R3HDM2: variants seen among roughly 807,000 people sequenced by gnomAD.
R3HDM2 encodes the protein R3H domain-containing protein 2.
R3HDM2 carries 38 observed loss-of-function variants against 124.5 expected under a neutral mutation model. The observed-to-expected ratio is 0.31, with a 90% confidence interval of 0.24 to 0.40. R3HDM2 has a LOEUF of 0.40. Among genes scored for constraint, R3HDM2 ranks in the 10% least tolerant of loss-of-function variants. R3HDM2 has a pLI of 1.00. For missense variants in R3HDM2, 869 were observed against 1,236.9 expected, an observed-to-expected ratio of 0.70 and a Z score of 4.46; for synonymous variants, 391 against 448.0, an observed-to-expected ratio of 0.87 and a Z score of 1.61.
At chr12:57,425,043 T>C (rs2070596450) in intron 1 of R3HDM2, among the ~76,000 whole-genome samples, 2 of 152,224 alleles carry the variant, frequency 1.3e-5, no homozygotes, top group South Asian at 2.1e-4. Flanking sequence ...GAGGCTGAGG[T>C]GGGTGGATCA....
chr12:57,295,515 T>A lies in R3HDM2; in HGVS notation c.702-8A>T. 1 of 1,544,382 alleles carries A rather than the reference T, an allele frequency of 6.5e-7. No homozygotes were observed. Among genetic ancestry groups the A allele is most frequent in the African/African-American group, 1.4e-5 (1 of 73,012 alleles). On this transcript the variant is annotated splice_polypyrimidine_tract_variant and splice_region_variant and intron_variant, in intron 9 of 23. Transcript: ENST00000402412. ...GAGAACCTCTGTTCAGGGCTGAGAT[T>A]TGGAGAGAAATGTGAAAGGAAAGGA...
chr12:57,340,415 A>AT (rs2059414615), intron 2 of R3HDM2, among the ~76,000 whole-genome samples: 2 of 152,304 alleles, frequency 1.3e-5, no homozygotes, highest in African/African-American at 4.8e-5. Context: ...CTTAACCCTT[A>AT]TAGCTCCTGT....
chr12:57,304,463 G>A (rs2052099049), intron 3 of R3HDM2: 3 of 964,518 alleles, frequency 3.1e-6, no homozygotes, highest in Non-Finnish European at 1.2e-6. Flanking sequence ...ACAAGTCAGA[G>A]ACAGAGTACC....
At chr12:57,265,836 G>A (rs151337033) in intron 19 of R3HDM2, among the ~76,000 whole-genome samples, 13,841 of 149,596 alleles carry the variant, frequency 0.093, 875 homozygotes, top group Middle Eastern at 0.14. Context: ...TCGCTTTGTC[G>A]CCCAGGCTGG....
chr12:57,397,851 A>C (rs1384588662), intron 1 of R3HDM2, among the ~76,000 whole-genome samples: 1 of 152,136 alleles, frequency 6.6e-6, no homozygotes, highest in East Asian at 1.9e-4. Flanking sequence ...CATAATTTTG[A>C]CTTTCTTGCC....
At chr12:57,280,945 C>A in intron 13 of R3HDM2, among the ~76,000 whole-genome samples, 1 of 138,676 alleles carries the variant, frequency 7.2e-6, no homozygotes, top group Non-Finnish European at 1.6e-5. Flanking sequence ...AGAGAGAGAT[C>A]TGTCTTCTCT....
chr12:57,270,885 G>GT (rs1233117361), intron 14 of R3HDM2, among the ~76,000 whole-genome samples: 1 of 152,124 alleles, frequency 6.6e-6, no homozygotes, highest in Non-Finnish European at 1.5e-5. Context: ...TGTTGTTAGG[G>GT]TTAGTCCTTG....
At chr12:57,352,081 T>A (rs1471791619) in intron 2 of R3HDM2, among the ~76,000 whole-genome samples, 1 of 152,082 alleles carries the variant, frequency 6.6e-6, no homozygotes, top group Non-Finnish European at 1.5e-5. Flanking sequence ...AGTGTATCTA[T>A]ATTCTAACAG....
rs78607331 is a variant in R3HDM2, at chr12:57,254,861, C to T, written c.2885G>A (p.Arg962His). 61,717 of 1,613,744 alleles carry T rather than the reference C, an allele frequency of 0.038. 1,389 individuals are homozygous for T. Among genetic ancestry groups the T allele is most frequent in the Non-Finnish European group, 0.045 (52,501 of 1,179,770 alleles). The change falls in exon 24 of 24, where the codon CGT becomes CAT. Residue 962 changes from arginine (R) to histidine (H), a missense_variant. Around this residue, in one of 2 missense-constraint regions of R3HDM2, gnomAD observed 602 missense variants for 789.2 expected, o/e 0.76. Transcript: ENST00000402412. The part of the protein sequence containing the change: ...SPLAAQNASL[R>H]LNNSVSRFKL... ...GAAGCGACTCACGGAGTTGTTGAGA[C>T]GAAGGGAGGCATTTTGGGCAGCCAG...
At position 57,420,635 on chromosome 12, in the gene R3HDM2, G is replaced by A. The variant is rs540548836; in HGVS notation, c.-106+10085C>T. Among the ~76,000 whole-genome samples, 8 of 151,602 alleles carry A rather than the reference G, an allele frequency of 5.3e-5. No individual in the cohort carries two copies. In the East Asian group the frequency reaches 1.6e-3, roughly 29 times the overall value. The stretch of plus-strand genomic sequence containing the variant: ...GGCCCATAGTATTGGGATTACGGGC[G>A]TGAGCCACTGCGCCCAGGCTTTACT... On this transcript the variant is annotated intron_variant, in intron 1 of 23. Transcript: ENST00000402412.
intron 19 of R3HDM2, among the ~76,000 whole-genome samples, chr12:57,264,950 T>G (rs2041953200): frequency 1.3e-5 from 2 of 152,148 alleles, no homozygotes; most frequent in Non-Finnish European, 1.5e-5. Context: ...TAAAGTTTCT[T>G]TAACTGCAGT....
intron 1 of R3HDM2, among the ~76,000 whole-genome samples, chr12:57,402,289 C>T (rs563735243): frequency 6.7e-6 from 1 of 150,030 alleles, no homozygotes; most frequent in South Asian, 2.1e-4. Context: ...AGCAAGACTC[C>T]ATCTCAAAAA....
intron 22 of R3HDM2, 42 bp from the exon 23 acceptor site, chr12:57,256,116 A>T: frequency 6.4e-7 from 1 of 1,559,468 alleles, no homozygotes; most frequent in Non-Finnish European, 8.8e-7. Context: ...TGTAAACAAC[A>T]TTGACTGCCT....
chr12:57,338,924 G>T (rs2059209158), intron 2 of R3HDM2, among the ~76,000 whole-genome samples: 1 of 151,820 alleles, frequency 6.6e-6, no homozygotes. Flanking sequence ...AAATGACCAG[G>T]AACTGTCTTA....
chr12:57,380,333 G>GT (rs1480352477), intron 2 of R3HDM2, among the ~76,000 whole-genome samples: 12 of 152,124 alleles, frequency 7.9e-5, no homozygotes, highest in African/African-American at 2.2e-4. Context: ...TATTATAGAA[G>GT]TAAGTGATTC....
At chr12:57,277,099 C>CAAAA (rs11321648) in intron 14 of R3HDM2, among the ~76,000 whole-genome samples, 1 of 106,440 alleles carries the variant, frequency 9.4e-6, no homozygotes. Context: ...AAATAATGAA[C>CAAAA]AAAAAAAAAA....
At chr12:57,346,618 C>T (rs570742932) in intron 2 of R3HDM2, among the ~76,000 whole-genome samples, 6 of 152,054 alleles carry the variant, frequency 3.9e-5, no homozygotes, top group South Asian at 2.1e-4. Flanking sequence ...TGAAGGAAAA[C>T]TAAGAGAATT....
chr12:57,418,170 T>C (rs2139482049), intron 1 of R3HDM2: 1 of 985,418 alleles, frequency 1.0e-6, no homozygotes. Flanking sequence ...CCACCCAGTT[T>C]GCCCAAGACA....
intron 2 of R3HDM2, among the ~76,000 whole-genome samples, chr12:57,318,444 T>C (rs2055660953): frequency 6.6e-6 from 1 of 151,094 alleles, no homozygotes; most frequent in Non-Finnish European, 1.5e-5. Context: ...AGGTCAGGAG[T>C]TCGAGACCAG....
Sources: allele counts gnomAD v4.1 joint callset (sites outside exome capture counted in the v4.1 genomes callset), GRCh38; gene constraint gnomAD v4.1.1; regional missense constraint gnomAD v4.1.1; transcripts MANE v1.5; gene names NCBI Gene and HGNC (gene_info 2026-07-23, HGNC 2026-07-21).